ANO4: variants seen among roughly 807,000 people sequenced by gnomAD.
ANO4 encodes the protein anoctamin 4.
A neutral mutation model predicts 141.9 loss-of-function variants in ANO4; 69 were observed. The ratio of observed to expected loss-of-function variants is 0.49; its 90% confidence interval spans 0.40 to 0.59. The LOEUF is 0.59. Ranked by LOEUF, ANO4 falls within the 20% of genes least tolerant of loss-of-function variation. The pLI, the probability that ANO4 is intolerant of heterozygous loss-of-function variation, is 0.00. For synonymous variants in ANO4, 350 were observed against 394.3 expected (o/e 0.89, Z 1.33); for missense variants, 894 against 1,162.2 (o/e 0.77, Z 3.36).
chr12:101,121,201 A>G (rs1037260324), intron 26 of ANO4, among the ~76,000 whole-genome samples: 1 of 152,124 alleles, frequency 6.6e-6, no homozygotes, highest in African/African-American at 2.4e-5. Flanking sequence ...TTCAATAGGT[A>G]GTTATTCAGC....
intron 1 of ANO4, among the ~76,000 whole-genome samples, chr12:100,812,727 T>C (rs2035518331): frequency 6.6e-6 from 1 of 152,182 alleles, no homozygotes; most frequent in Non-Finnish European, 1.5e-5. Context: ...TTAACCATAC[T>C]CTTAGCACCA....
At chr12:101,089,989 A>C in intron 17 of ANO4, among the ~76,000 whole-genome samples, 1 of 152,260 alleles carries the variant, frequency 6.6e-6, no homozygotes. Context: ...CAACAGACAC[A>C]TGAAAAAATG....
chr12:101,109,755 T>A (rs1315869954), intron 22 of ANO4, among the ~76,000 whole-genome samples: 1 of 152,162 alleles, frequency 6.6e-6, no homozygotes, highest in Non-Finnish European at 1.5e-5. Flanking sequence ...AAATTATTAC[T>A]GTGATGTTTG....
At chr12:100,816,232 C>A (rs867985426) in intron 1 of ANO4, among the ~76,000 whole-genome samples, 1 of 151,680 alleles carries the variant, frequency 6.6e-6, no homozygotes, top group East Asian at 1.9e-4. Flanking sequence ...GTGGGATAGA[C>A]GCATGAAACA....
intron 19 of ANO4, among the ~76,000 whole-genome samples, 180 bp from the exon 20 acceptor site, chr12:101,097,471 G>A (rs946546308): frequency 6.6e-6 from 1 of 152,206 alleles, no homozygotes; most frequent in Admixed American, 6.5e-5. Context: ...GAAGAGACAT[G>A]TGCCCTGGAG....
At chr12:100,804,853 C>A (rs756478890) in intron 1 of ANO4, among the ~76,000 whole-genome samples, 1 of 151,968 alleles carries the variant, frequency 6.6e-6, no homozygotes, top group African/African-American at 2.4e-5. Flanking sequence ...GGAGATCAGA[C>A]CTTTGTCAGA....
At chr12:100,823,698 C>T (rs1357424897) in intron 1 of ANO4, among the ~76,000 whole-genome samples, 1 of 151,882 alleles carries the variant, frequency 6.6e-6, no homozygotes, top group East Asian at 1.9e-4. Context: ...ATGTTTTTCC[C>T]CCCATTGGGC....
intron 8 of ANO4, among the ~76,000 whole-genome samples, chr12:101,019,698 CAA>C (rs2046446726): frequency 6.6e-6 from 1 of 152,082 alleles, no homozygotes; most frequent in Admixed American, 6.6e-5. Flanking sequence ...GAGAGAAAAA[CAA>C]AATGAATTTT....
chr12:100,933,873 G>A (rs1027863778), intron 3 of ANO4, among the ~76,000 whole-genome samples: 1 of 152,136 alleles, frequency 6.6e-6, no homozygotes, highest in African/African-American at 2.4e-5. Context: ...ATTTTTTCAT[G>A]TGTCTGTTGG....
At chr12:101,002,920 ATCC>A (rs2045712328) in intron 8 of ANO4, among the ~76,000 whole-genome samples, 1 of 152,182 alleles carries the variant, frequency 6.6e-6, no homozygotes, top group African/African-American at 2.4e-5. Context: ...GTCAAAGGTC[ATCC>A]TCCTACTGTT....
intron 1 of ANO4, among the ~76,000 whole-genome samples, chr12:100,732,655 T>C (rs1229777649): frequency 1.3e-5 from 2 of 152,226 alleles, no homozygotes; most frequent in African/African-American, 2.4e-5. Context: ...TTTCCTATGT[T>C]ATCTTCTAGG....
chr12:100,896,304 A>G (rs1335372030), intron 1 of ANO4, among the ~76,000 whole-genome samples: 2 of 152,180 alleles, frequency 1.3e-5, no homozygotes, highest in Non-Finnish European at 2.9e-5. Flanking sequence ...AGAGAGGCAG[A>G]GGGAGATTAG....
chr12:100,963,253 C>T (rs78422165), intron 5 of ANO4, among the ~76,000 whole-genome samples: 5,668 of 152,068 alleles, frequency 0.037, 296 homozygotes, highest in African/African-American at 0.12. Flanking sequence ...ACATCTAAAC[C>T]CATTACAAGG....
intron 9 of ANO4, among the ~76,000 whole-genome samples, chr12:101,022,194 A>G (rs1199221681): frequency 6.6e-6 from 1 of 152,190 alleles, no homozygotes; most frequent in Non-Finnish European, 1.5e-5. Flanking sequence ...GTGAAGTCAA[A>G]CCTGATTTAG....
intron 9 of ANO4, among the ~76,000 whole-genome samples, chr12:101,027,714 C>T (rs1184636299): frequency 6.6e-6 from 1 of 152,204 alleles, no homozygotes; most frequent in Non-Finnish European, 1.5e-5. Context: ...ACCTGGATCT[C>T]CCTGGGCCTT....
At chr12:101,002,344 C>T (rs918704398) in intron 8 of ANO4, among the ~76,000 whole-genome samples, 27 of 152,192 alleles carry the variant, frequency 1.8e-4, no homozygotes, top group African/African-American at 6.3e-4. Context: ...TGGCTGTGCA[C>T]CTGCAGGAGT....
intron 9 of ANO4, among the ~76,000 whole-genome samples, chr12:101,021,255 G>A (rs948685364): frequency 1.3e-5 from 2 of 152,198 alleles, no homozygotes; most frequent in Non-Finnish European, 2.9e-5. Flanking sequence ...GCACTACTCT[G>A]TGAAGCCCCC....
chr12:100,763,083 T>TATA, intron 3 of ANO4, among the ~76,000 whole-genome samples: 1 of 152,308 alleles, frequency 6.6e-6, no homozygotes, highest in Non-Finnish European at 1.5e-5. Flanking sequence ...GAACCAGCGT[T>TATA]GTCTGGTTAT....
intron 1 of ANO4, among the ~76,000 whole-genome samples, chr12:100,882,874 A>AT (rs140193278): frequency 0.041 from 6,228 of 151,814 alleles, 371 homozygotes; most frequent in African/African-American, 0.13. Context: ...TAAGTTTTGT[A>AT]TTTTTTAGTA....
Sources: gnomAD v4.1 joint callset for allele counts (sites outside exome capture counted in the v4.1 genomes callset) on GRCh38, gnomAD v4.1.1 for gene constraint, MANE v1.5 for transcripts, NCBI Gene and HGNC (gene_info 2026-07-23, HGNC 2026-07-21) for gene names.